Variants in COL23A1 observed in about 807,000 individuals in gnomAD.
COL23A1 encodes the protein collagen alpha-1(XXIII) chain.
In COL23A1, 97 loss-of-function variants were observed where a neutral mutation model predicts 99.3. That is an observed-to-expected ratio of 0.98 (90% CI 0.83 to 1.16). COL23A1 has a LOEUF of 1.16. Ranked by LOEUF, COL23A1 falls within the 50% of genes most tolerant of loss-of-function variation. The pLI is 0.00. For synonymous variants in COL23A1, 320 were observed against 308.2 expected (o/e 1.04, Z -0.40); for missense variants, 762 against 757.4 (o/e 1.01, Z -0.07).
At chr5:178,263,352 C>G (rs756434055) in intron 8 of COL23A1, 28 bp from the exon 9 acceptor site, 1 of 1,414,858 alleles carries the variant, frequency 7.1e-7, no homozygotes, top group South Asian at 1.3e-5. Context: ...TGGCATGACT[C>G]TGAGGGGGAG....
At chr5:178,461,383 G>C (rs931578104) in intron 2 of COL23A1, among the ~76,000 whole-genome samples, 1 of 152,212 alleles carries the variant, frequency 6.6e-6, no homozygotes, top group African/African-American at 2.4e-5. Context: ...CAGGCCAAGG[G>C]ACCTGCCATC....
In COL23A1 at chr5:178,366,258, C is replaced by A. The variant is rs56249099; in HGVS notation, c.362-59339G>T. Among the ~76,000 whole-genome samples the A allele has an allele frequency of 2.3e-3, 348 of 152,330 alleles. 2 individuals are homozygous for A. Among genetic ancestry groups the A allele is most frequent in the African/African-American group, 8.0e-3 (332 of 41,572 alleles). ...CTGCTCCCAGCCCAGCTTGGCTGTC[C>A]AGTGGGGAGGGGCACCGCTGCCTTG... On this transcript the variant is annotated intron_variant, in intron 2 of 28. Transcript: ENST00000390654. This position sits in a 1 kb window ranked among gnomAD's most constrained non-coding sequence, Gnocchi z 4.4.
chr5:178,449,306 C>T (rs1767351334), intron 2 of COL23A1, among the ~76,000 whole-genome samples: 1 of 152,184 alleles, frequency 6.6e-6, no homozygotes, highest in Non-Finnish European at 1.5e-5. Flanking sequence ...CCACGTCTGC[C>T]GCTGGGAAAT....
At chr5:178,427,038 A>T (rs1043982709) in intron 2 of COL23A1, among the ~76,000 whole-genome samples, 1 of 152,182 alleles carries the variant, frequency 6.6e-6, no homozygotes, top group African/African-American at 2.4e-5. Flanking sequence ...CTCTACTAAA[A>T]ATACCAAAAA....
intron 2 of COL23A1, among the ~76,000 whole-genome samples, chr5:178,483,089 A>C (rs905573312): frequency 6.6e-6 from 1 of 152,170 alleles, no homozygotes; most frequent in African/African-American, 2.4e-5. Flanking sequence ...AAAAGAAAAA[A>C]AAAACTAAAA....
rs539022515 is a variant in COL23A1, at chr5:178,238,490, C to T, written c.*208G>A. 56 of 630,572 alleles carry T rather than the reference C, an allele frequency of 8.9e-5. No homozygotes were observed. The highest frequency in any genetic ancestry group is 8.8e-4 in the African/African-American group (48 of 54,332). The allele number at this position is 630,572 out of a possible 1,614,324, so 39.1% of individuals were successfully genotyped here. ...GGAAAGCCCAGGCCCAAGGGTGCCC[C>T]TCAGGTACACATCTCCCTGGTCTGG... On this transcript the variant is annotated 3_prime_UTR_variant, in exon 29 of 29. Coordinates refer to ENST00000390654, the MANE Select transcript of COL23A1 (RefSeq NM_173465.4).
In COL23A1 at chr5:178,581,630, C is replaced by G. The variant is rs640824; in HGVS notation, c.294+8274G>C. 2.9e-3 allele frequency among the ~76,000 whole-genome samples: 445 copies of G among 151,998 alleles called. 1 individual carries two copies. The highest frequency in any genetic ancestry group is 0.01 in the African/African-American group (432 of 41,476). Reference sequence around the variant, plus strand: ...AAAGACATCCTTCTGTATCCAGTTACTCCACATCCCAAAGAATAACAGAAG... The same window carrying G: ...AAAGACATCCTTCTGTATCCAGTTAGTCCACATCCCAAAGAATAACAGAAG... On this transcript the variant is annotated intron_variant, in intron 1 of 28. Coordinates refer to ENST00000390654, the MANE Select transcript of COL23A1 (RefSeq NM_173465.4).
intron 2 of COL23A1, among the ~76,000 whole-genome samples, chr5:178,536,533 T>C (rs515211): frequency 0.5 from 76,363 of 151,808 alleles, 19,578 homozygotes; most frequent in Non-Finnish European, 0.57. Flanking sequence ...ATCCAGACCA[T>C]GGACAGGTGC....
At chr5:178,416,003 G>A (rs994677659) in intron 2 of COL23A1, among the ~76,000 whole-genome samples, 2 of 152,142 alleles carry the variant, frequency 1.3e-5, no homozygotes, top group Non-Finnish European at 1.5e-5. Context: ...CTGGGGCAGA[G>A]CCAGAGATCC....
chr5:178,547,904 AC>A (rs1761768690), intron 2 of COL23A1, among the ~76,000 whole-genome samples: 1 of 12,300 alleles, frequency 8.1e-5, no homozygotes, highest in African/African-American at 2.9e-4. Flanking sequence ...ACCCACCCAT[AC>A]ACACATCCCA....
intron 1 of COL23A1, among the ~76,000 whole-genome samples, chr5:178,580,804 G>A (rs539779617): frequency 6.6e-6 from 1 of 152,182 alleles, no homozygotes; most frequent in African/African-American, 2.4e-5. Flanking sequence ...AGGGCTGCTT[G>A]AGTCCAGCAG....
chr5:178,490,099 G>A (rs1410050044), intron 2 of COL23A1, among the ~76,000 whole-genome samples: 1 of 152,008 alleles, frequency 6.6e-6, no homozygotes, highest in South Asian at 2.1e-4. Context: ...AGCTGGGTGT[G>A]GTGGTGGGCG....
intron 2 of COL23A1, among the ~76,000 whole-genome samples, chr5:178,557,695 T>C (rs756415386): frequency 6.6e-6 from 1 of 152,174 alleles, no homozygotes; most frequent in Non-Finnish European, 1.5e-5. Context: ...GAATGTGGTC[T>C]ATGTCTCCAC....
chr5:178,485,815 T>C (rs551103749), intron 2 of COL23A1, among the ~76,000 whole-genome samples: 199 of 144,606 alleles, frequency 1.4e-3, no homozygotes, highest in African/African-American at 4.9e-3. Context: ...AATGTCAGGA[T>C]GAGTAAGCTG....
At chr5:178,567,779 G>A (rs1762906755) in intron 1 of COL23A1, among the ~76,000 whole-genome samples, 1 of 152,116 alleles carries the variant, frequency 6.6e-6, no homozygotes, top group African/African-American at 2.4e-5. Flanking sequence ...AATGTTGTGT[G>A]GTCTTATAAC....
At chr5:178,498,237 T>TATATATATATAG (rs1758318745) in intron 2 of COL23A1, among the ~76,000 whole-genome samples, 1 of 56,472 alleles carries the variant, frequency 1.8e-5, no homozygotes, top group African/African-American at 1.1e-4. Flanking sequence ...TATATATATA[T>TATATATATATAG]ATATATATAT....
intron 2 of COL23A1, among the ~76,000 whole-genome samples, chr5:178,408,324 A>C (rs555231434): frequency 1.3e-5 from 2 of 152,272 alleles, no homozygotes; most frequent in South Asian, 4.1e-4. Flanking sequence ...TGCCTAAAGC[A>C]AATTCAAAAC....
intron 3 of COL23A1, among the ~76,000 whole-genome samples, chr5:178,304,506 A>T (rs982450069): frequency 4.0e-5 from 3 of 74,916 alleles, no homozygotes; most frequent in African/African-American, 3.5e-4. Context: ...CGACTGTCTC[A>T]AAAAAAAAAA....
rs373768882 is a variant in COL23A1 at position 178,309,806 on chromosome 5, G to A, written c.362-2887C>T. Among the ~76,000 whole-genome samples the A allele has an allele frequency of 6.6e-6, 1 of 151,752 alleles. No individual in the cohort carries two copies. The highest frequency in any genetic ancestry group is 2.4e-5 in the African/African-American group (1 of 41,240). ...CACTCAGTCCCCCACTCTGCCACTC[G>A]CTCTGCTGTGCTCGATTCTCCCTCC... On this transcript the variant is annotated intron_variant, in intron 2 of 28. Coordinates refer to ENST00000390654, the MANE Select transcript of COL23A1 (RefSeq NM_173465.4). The surrounding 1 kb of genome is among the most constrained non-coding windows in gnomAD (Gnocchi z 4.7).
Sources: allele counts gnomAD v4.1 joint callset (sites outside exome capture counted in the v4.1 genomes callset), GRCh38; gene constraint gnomAD v4.1.1; non-coding constraint Gnocchi (gnomAD v3.1); transcripts MANE v1.5; gene names NCBI Gene and HGNC (gene_info 2026-07-23, HGNC 2026-07-21).